The following KCNIP4 variants were observed in gnomAD, a reference collection of about 807,000 sequenced individuals.
The protein encoded by KCNIP4 is potassium voltage-gated channel interacting protein 4, also known as Kv channel-interacting protein 4.
A neutral mutation model predicts 34.0 loss-of-function variants in KCNIP4; 12 were observed. The ratio of observed to expected loss-of-function variants is 0.35; its 90% CI spans 0.23 to 0.57. The LOEUF (loss-of-function observed/expected upper bound fraction) is 0.57. KCNIP4 is among the 20% of genes least tolerant of loss of function. The pLI is 0.83. For synonymous variants in KCNIP4, 124 were observed against 102.2 expected (o/e 1.21, Z -1.29); for missense variants, 238 against 311.7 (o/e 0.76, Z 1.78).
chr4:21,379,203 G>T (rs1721248073), intron 1 of KCNIP4, among the ~76,000 whole-genome samples: 1 of 152,084 alleles, frequency 6.6e-6, no homozygotes, highest in African/African-American at 2.4e-5. Context: ...CTGCTGAATA[G>T]TATCTCCTTG....
At chr4:21,533,562 T>C (rs1186586678) in intron 1 of KCNIP4, among the ~76,000 whole-genome samples, 1 of 152,158 alleles carries the variant, frequency 6.6e-6, no homozygotes, top group African/African-American at 2.4e-5. Flanking sequence ...TGATCAAGGA[T>C]ACCTTTCTGG....
chr4:21,135,246 T>G (rs1219945462), intron 1 of KCNIP4, among the ~76,000 whole-genome samples: 1 of 152,198 alleles, frequency 6.6e-6, no homozygotes, highest in African/African-American at 2.4e-5. Context: ...AGGTGTAGAA[T>G]GGGTCAAAGA....
intron 1 of KCNIP4, among the ~76,000 whole-genome samples, chr4:21,922,859 T>C (rs1578147096): frequency 6.6e-6 from 1 of 152,176 alleles, no homozygotes; most frequent in East Asian, 1.9e-4. Flanking sequence ...CTCAATCCCA[T>C]ACAATGATGC....
chr4:21,880,718 A>C (rs1035274630), intron 1 of KCNIP4, among the ~76,000 whole-genome samples: 1 of 152,148 alleles, frequency 6.6e-6, no homozygotes, highest in African/African-American at 2.4e-5. Context: ...TAGCTCTCAT[A>C]ATTATTCTGG....
chr4:21,388,808 G>T (rs1028737862), intron 1 of KCNIP4, among the ~76,000 whole-genome samples: 2 of 152,074 alleles, frequency 1.3e-5, no homozygotes, highest in Non-Finnish European at 1.5e-5. Flanking sequence ...ATAATATGAT[G>T]ACCCATGTTG....
At chr4:21,105,078 T>G (rs191143455) in intron 1 of KCNIP4, among the ~76,000 whole-genome samples, 10 of 151,754 alleles carry the variant, frequency 6.6e-5, no homozygotes, top group African/African-American at 1.5e-4. Context: ...GGCAATGTGG[T>G]CTCTTTTTTG....
intron 1 of KCNIP4, among the ~76,000 whole-genome samples, chr4:21,188,079 T>G (rs28721307): frequency 0.2 from 29,796 of 152,164 alleles, 3,276 homozygotes; most frequent in African/African-American, 0.3. Flanking sequence ...AGTCAACAGA[T>G]CAGTATTTAC....
At chr4:20,847,677 A>G (rs568473333) in intron 3 of KCNIP4, among the ~76,000 whole-genome samples, 2 of 152,108 alleles carry the variant, frequency 1.3e-5, no homozygotes, top group Non-Finnish European at 2.9e-5. Context: ...TTAACAATCT[A>G]TGTTGAAAAT....
intron 1 of KCNIP4, among the ~76,000 whole-genome samples, chr4:21,330,698 C>T (rs1302782489): frequency 1.3e-5 from 2 of 152,098 alleles, no homozygotes; most frequent in Non-Finnish European, 2.9e-5. Context: ...GAATAAGGAG[C>T]TTAACTTCCT....
chr4:20,880,768 A>G (rs997388933), intron 2 of KCNIP4, among the ~76,000 whole-genome samples: 4 of 152,148 alleles, frequency 2.6e-5, no homozygotes, highest in African/African-American at 9.7e-5. Flanking sequence ...ATAACCAACA[A>G]TCTTTGACAA....
intron 1 of KCNIP4, among the ~76,000 whole-genome samples, chr4:21,470,013 T>C (rs1211284653): frequency 3.9e-5 from 6 of 152,182 alleles, no homozygotes; most frequent in Non-Finnish European, 8.8e-5. Context: ...GGCCGAAATA[T>C]AATAAAAATG....
intron 1 of KCNIP4, among the ~76,000 whole-genome samples, chr4:21,389,144 C>A (rs903533249): frequency 1.3e-5 from 2 of 151,848 alleles, no homozygotes; most frequent in Non-Finnish European, 2.9e-5. Flanking sequence ...TGCCACCATA[C>A]CTAACTAATT....
intron 1 of KCNIP4, among the ~76,000 whole-genome samples, chr4:21,002,606 C>T (rs1004543946): frequency 6.6e-6 from 1 of 152,316 alleles, no homozygotes; most frequent in East Asian, 1.9e-4. Flanking sequence ...AGTGTGGCAT[C>T]AGCAATACGT....
chr4:21,590,896 A>T (rs551430574), intron 1 of KCNIP4, among the ~76,000 whole-genome samples: 7 of 152,138 alleles, frequency 4.6e-5, no homozygotes, highest in African/African-American at 1.7e-4. Context: ...TGTCCAAGCA[A>T]GGCAGGTAAG....
chr4:20,903,920 G>T (rs539575056), intron 1 of KCNIP4, among the ~76,000 whole-genome samples: 1 of 152,250 alleles, frequency 6.6e-6, no homozygotes, highest in African/African-American at 2.4e-5. Flanking sequence ...CCTACTTGCT[G>T]CCCCACTCTA....
At chr4:21,077,997 A>G (rs979797847) in intron 1 of KCNIP4, among the ~76,000 whole-genome samples, 7 of 152,094 alleles carry the variant, frequency 4.6e-5, no homozygotes, top group Non-Finnish European at 8.8e-5. Context: ...TAAGGAAGTC[A>G]TTATCAGGGC....
Position 21,339,863 on chromosome 4 carries a change from AAAG to A in KCNIP4, c.62-457157_62-457155del, listed in dbSNP as rs560291823. On this transcript the variant is annotated intron_variant, in intron 1 of 8. Coordinates refer to ENST00000382152, the MANE Select transcript of KCNIP4 (RefSeq NM_025221.6). ...TTGAATTACATAACTGGTGCTTACC[AAAG>A]AACAGGGCTGATGGTATAGAAAACC... Among the ~76,000 whole-genome samples the A allele has an allele frequency of 2.0e-5, 3 of 152,322 alleles. No homozygotes were observed. In the East Asian group the frequency reaches 5.8e-4, roughly 29 times the overall value.
At position 21,362,271 on chromosome 4, in the gene KCNIP4, G is replaced by A. The variant is rs557730603; in HGVS notation, c.62-479562C>T. On this transcript the variant is annotated intron_variant, in intron 1 of 8. Coordinates refer to ENST00000382152, the MANE Select transcript of KCNIP4 (RefSeq NM_025221.6). ...TGAACCCTGTATTATGGCAGAGGGA[G>A]CCGCAGAATAGCCAAGAAGCTGGCT... Among the ~76,000 whole-genome samples, 9 of 152,230 alleles carry A rather than the reference G, an allele frequency of 5.9e-5. No homozygotes were observed. The South Asian group carries it at 1.7e-3, about 28-fold the overall frequency.
In KCNIP4 at chr4:21,484,165, G is replaced by A. The variant is rs145240108; in HGVS notation, c.61+464406C>T. 8.3e-3 allele frequency among the ~76,000 whole-genome samples: 1,264 copies of A among 151,540 alleles called. 11 individuals carry two copies. The highest frequency in any genetic ancestry group is 0.029 in the African/African-American group (1,198 of 41,224). On this transcript the variant is annotated intron_variant, in intron 1 of 8. Transcript: ENST00000382152. The stretch of plus-strand genomic sequence containing the variant: ...AAAGGGGCTGGGTGTGGTGGCTCAC[G>A]CCTGTAATCCCAGCACTTTGGGAGG...
Sources: gnomAD v4.1 joint callset for allele counts (sites outside exome capture counted in the v4.1 genomes callset) on GRCh38, gnomAD v4.1.1 for gene constraint, MANE v1.5 for transcripts, NCBI Gene and HGNC (gene_info 2026-07-23, HGNC 2026-07-21) for gene names.